The following VGLL4 variants were observed in gnomAD, a reference collection of about 807,000 sequenced individuals.
The protein encoded by VGLL4 is vestigial like family member 4, also known as transcription cofactor vestigial-like protein 4.
In VGLL4, 7 loss-of-function variants were observed where a neutral mutation model predicts 21.0. That is an observed-to-expected ratio of 0.33 (90% confidence interval 0.19 to 0.63). The LOEUF (loss-of-function observed/expected upper bound fraction) is 0.63, where lower values mean the gene tolerates loss of function less well. Among genes scored for constraint, VGLL4 ranks in the 20% least tolerant of loss-of-function variants. The pLI, the probability that VGLL4 is intolerant of heterozygous loss-of-function variation, is 0.78. For missense variants in VGLL4, 394 were observed against 425.7 expected, an observed-to-expected ratio of 0.93 and a Z score of 0.66; for synonymous variants, 222 against 173.2, an observed-to-expected ratio of 1.28 and a Z score of -2.21.
intron 1 of VGLL4, among the ~76,000 whole-genome samples, chr3:11,705,192 C>A (rs1463970245): frequency 6.6e-6 from 1 of 152,230 alleles, no homozygotes; most frequent in Non-Finnish European, 1.5e-5. Context: ...GCGTTCTGGG[C>A]AAGTTATCCT....
intron 2 of VGLL4, among the ~76,000 whole-genome samples, chr3:11,673,233 C>T (rs1159661420): frequency 2.0e-5 from 3 of 151,878 alleles, no homozygotes; most frequent in South Asian, 2.1e-4. Flanking sequence ...AGAGACTATA[C>T]AAGAAGAAAA....
chr3:11,609,783 A>G (rs2075021084), intron 1 of VGLL4, among the ~76,000 whole-genome samples: 1 of 152,204 alleles, frequency 6.6e-6, no homozygotes, highest in African/African-American at 2.4e-5. Flanking sequence ...CAATTAACCA[A>G]AATAATGGTA....
At chr3:11,563,710 T>C (rs990032991) in intron 3 of VGLL4, among the ~76,000 whole-genome samples, 13 of 152,234 alleles carry the variant, frequency 8.5e-5, no homozygotes, top group African/African-American at 3.1e-4. Context: ...AAAAACTGCA[T>C]CTTGCTTGAC....
At chr3:11,594,408 G>C (rs1575428766) in intron 2 of VGLL4, among the ~76,000 whole-genome samples, 1 of 152,334 alleles carries the variant, frequency 6.6e-6, no homozygotes, top group Middle Eastern at 3.4e-3. Flanking sequence ...ATTATTGTGA[G>C]AGTTAAATGA....
chr3:11,673,248 A>AAT (rs534797349), intron 2 of VGLL4, among the ~76,000 whole-genome samples: 71 of 152,126 alleles, frequency 4.7e-4, no homozygotes, highest in East Asian at 3.7e-3. Context: ...AGAAAATTAA[A>AAT]ATATATATAT....
intron 2 of VGLL4, among the ~76,000 whole-genome samples, chr3:11,673,709 A>C (rs1378824545): frequency 1.3e-5 from 2 of 152,122 alleles, no homozygotes; most frequent in Non-Finnish European, 2.9e-5. Flanking sequence ...CTGGTCACAC[A>C]CCAGCAGATA....
chr3:11,559,957 C>G (rs573387862), intron 3 of VGLL4, among the ~76,000 whole-genome samples: 5 of 152,120 alleles, frequency 3.3e-5, no homozygotes, highest in Non-Finnish European at 7.3e-5. Flanking sequence ...ACCTACAAAT[C>G]GGGACAGAGA....
intron 1 of VGLL4, among the ~76,000 whole-genome samples, chr3:11,614,565 C>T (rs959730759): frequency 1.3e-5 from 2 of 152,236 alleles, no homozygotes; most frequent in Non-Finnish European, 2.9e-5. Flanking sequence ...GGGCAGGTAG[C>T]TGGGACGAGA....
At chr3:11,584,723 A>AG (rs2074321671) in intron 2 of VGLL4, among the ~76,000 whole-genome samples, 5 of 152,154 alleles carry the variant, frequency 3.3e-5, no homozygotes, top group African/African-American at 1.2e-4. Context: ...TTAAGGAAAA[A>AG]GGGGCAACTT....
At chr3:11,660,246 G>A (rs1036152163) in intron 2 of VGLL4, among the ~76,000 whole-genome samples, 17 of 152,172 alleles carry the variant, frequency 1.1e-4, no homozygotes, top group African/African-American at 4.1e-4. Context: ...CAGACTGGCT[G>A]CGTGAGTTTA....
chr3:11,585,883 C>T (rs895884888), intron 2 of VGLL4, among the ~76,000 whole-genome samples: 6 of 152,286 alleles, frequency 3.9e-5, no homozygotes, highest in South Asian at 2.1e-4. Flanking sequence ...TCATATACAA[C>T]GTCACCCCTC....
intron 1 of VGLL4, chr3:11,610,408 G>A (rs911257327): frequency 6.6e-6 from 1 of 152,184 alleles, no homozygotes; most frequent in Non-Finnish European, 1.5e-5. Context: ...AATGCGAGCC[G>A]GCAGATAAAA....
chr3:11,626,658 A>C (rs1422565820), intron 1 of VGLL4: 1 of 259,786 alleles, frequency 3.8e-6, no homozygotes, highest in African/African-American at 2.2e-5. Context: ...TACAGACAAA[A>C]TGGGTATCAC....
intron 2 of VGLL4, among the ~76,000 whole-genome samples, chr3:11,584,620 T>A (rs981817353): frequency 2.6e-5 from 4 of 152,164 alleles, no homozygotes; most frequent in African/African-American, 9.7e-5. Context: ...TATTCGAAGT[T>A]CTGCAAATGA....
At chr3:11,591,093 A>G (rs1196233166) in intron 2 of VGLL4, among the ~76,000 whole-genome samples, 2 of 152,210 alleles carry the variant, frequency 1.3e-5, no homozygotes, top group Non-Finnish European at 2.9e-5. Context: ...TGCCCAGAGC[A>G]GAAGCATCTT....
intron 2 of VGLL4, among the ~76,000 whole-genome samples, chr3:11,570,455 C>T (rs966264410): frequency 1.3e-5 from 2 of 152,200 alleles, no homozygotes; most frequent in Non-Finnish European, 2.9e-5. Flanking sequence ...CAGGGGACCC[C>T]GGTCCCTGGC....
intron 3 of VGLL4, 46 bp downstream of exon 3, chr3:11,564,751 C>T: frequency 2.0e-6 from 3 of 1,532,380 alleles, no homozygotes; most frequent in Non-Finnish European, 1.7e-6. Context: ...AGCCCAGTCC[C>T]CCAGCCCCTG....
intron 1 of VGLL4, among the ~76,000 whole-genome samples, chr3:11,705,857 C>G (rs1285154389): frequency 6.6e-6 from 1 of 151,106 alleles, no homozygotes; most frequent in Non-Finnish European, 1.5e-5. Flanking sequence ...CGAGGCGGAG[C>G]TTGCAGTGAG....
chr3:11,664,039 G>A (rs1455735010), intron 2 of VGLL4, among the ~76,000 whole-genome samples: 1 of 152,128 alleles, frequency 6.6e-6, no homozygotes, highest in African/African-American at 2.4e-5. Context: ...ATCACCTGAG[G>A]TAAGGAGTTC....
Sources: allele counts gnomAD v4.1 joint callset (sites outside exome capture counted in the v4.1 genomes callset), GRCh38; gene constraint gnomAD v4.1.1; transcripts MANE v1.5; gene names NCBI Gene and HGNC (gene_info 2026-07-23, HGNC 2026-07-21).